Variants in GNAQ observed in about 807,000 individuals in gnomAD.
GNAQ encodes guanine nucleotide-binding protein G(q) subunit alpha.
In GNAQ, 8 loss-of-function variants were observed where a neutral mutation model predicts 43.9. That is an observed-to-expected ratio of 0.18 (90% confidence interval 0.11 to 0.33). The LOEUF (loss-of-function observed/expected upper bound fraction) is 0.33. Ranked by LOEUF, GNAQ falls within the 10% of genes least tolerant of loss-of-function variation. The pLI is 1.00. For missense variants in GNAQ, 158 were observed against 450.8 expected (o/e 0.35, Z 5.88); for synonymous variants, 155 against 170.7 (o/e 0.91, Z 0.71).
intron 2 of GNAQ, among the ~76,000 whole-genome samples, chr9:77,878,588 T>G (rs1162859609): frequency 6.6e-6 from 1 of 152,034 alleles, no homozygotes; most frequent in Non-Finnish European, 1.5e-5. Context: ...ATTATTTGAT[T>G]ATTTCAACCC....
At chr9:77,834,086 A>T (rs1827344461) in intron 2 of GNAQ, among the ~76,000 whole-genome samples, 1 of 152,236 alleles carries the variant, frequency 6.6e-6, no homozygotes, top group African/African-American at 2.4e-5. Context: ...TAAATTTCTC[A>T]GTATTAAAAT....
intron 2 of GNAQ, among the ~76,000 whole-genome samples, chr9:77,843,541 A>G (rs1041089849): frequency 2.6e-5 from 4 of 152,182 alleles, no homozygotes; most frequent in Non-Finnish European, 5.9e-5. Context: ...AAGAATCACT[A>G]GCTTCTGCTT....
At chr9:77,926,168 CAAAT>C (rs1829070334) in intron 1 of GNAQ, among the ~76,000 whole-genome samples, 1 of 152,066 alleles carries the variant, frequency 6.6e-6, no homozygotes, top group African/African-American at 2.4e-5. Flanking sequence ...ATGACAGAGA[CAAAT>C]GAATTATTTC....
intron 2 of GNAQ, among the ~76,000 whole-genome samples, chr9:77,849,908 C>T (rs1827645794): frequency 6.6e-6 from 1 of 152,198 alleles, no homozygotes; most frequent in East Asian, 1.9e-4. Flanking sequence ...TCCCAAAGTG[C>T]TGGGATTACA....
intron 5 of GNAQ, among the ~76,000 whole-genome samples, chr9:77,753,407 G>A (rs1183894836): frequency 6.6e-6 from 1 of 152,186 alleles, no homozygotes; most frequent in Non-Finnish European, 1.5e-5. Flanking sequence ...GTTTTCTGAG[G>A]TTTAAGATGA....
chr9:77,891,198 T>C (rs1828399235), intron 2 of GNAQ, among the ~76,000 whole-genome samples: 1 of 152,210 alleles, frequency 6.6e-6, no homozygotes, highest in Non-Finnish European at 1.5e-5. Flanking sequence ...CATTTATATA[T>C]CCTCATACAT....
At chr9:77,778,214 T>TAC (rs34540195) in intron 5 of GNAQ, among the ~76,000 whole-genome samples, 3,649 of 149,592 alleles carry the variant, frequency 0.024, 123 homozygotes, top group African/African-American at 0.072. Context: ...TTTACACGTT[T>TAC]ACACACACAC....
chr9:77,939,486 T>C (rs1202709952), intron 1 of GNAQ, among the ~76,000 whole-genome samples: 1 of 152,206 alleles, frequency 6.6e-6, no homozygotes, highest in East Asian at 1.9e-4. Context: ...TTGCTGACTA[T>C]AAACTCATAA....
intron 1 of GNAQ, among the ~76,000 whole-genome samples, chr9:78,011,230 C>A (rs1015168323): frequency 2.0e-5 from 3 of 152,204 alleles, no homozygotes; most frequent in Non-Finnish European, 2.9e-5. Flanking sequence ...ACTCAGACAA[C>A]TGAACAGCTA....
rs539880141 is a variant in GNAQ, at chr9:77,981,333, T to C, written c.136+49767A>G. 3.3e-5 allele frequency among the ~76,000 whole-genome samples: 5 copies of C among 152,304 alleles called. No homozygotes were observed. In the South Asian group the frequency reaches 1.0e-3, roughly 32 times the overall value. ...AAAAGAGAGGAAAAAATATAATCAG[T>C]CCTTTTGTTTATGAAGGATACTTTC... On this transcript the variant is annotated intron_variant, in intron 1 of 6. Transcript: ENST00000286548.
At chr9:77,850,908 C>T (rs1409634138) in intron 2 of GNAQ, among the ~76,000 whole-genome samples, 2 of 152,148 alleles carry the variant, frequency 1.3e-5, no homozygotes, top group Non-Finnish European at 2.9e-5. Context: ...CCCACCCCCA[C>T]ATCTGTCTCA....
In GNAQ at chr9:77,860,404, C is replaced by A. The variant is rs190425223; in HGVS notation, c.322-44634G>T. On this transcript the variant is annotated intron_variant, in intron 2 of 6. Transcript: ENST00000286548. ...TCTCAAAAAAAGGCTGACTGCACTA[C>A]CCCACCCCAGGGGGTATTCTGTTGC... Among the ~76,000 whole-genome samples, 11 of 152,294 alleles carry A rather than the reference C, an allele frequency of 7.2e-5. No individual in the cohort carries two copies. In the East Asian group the frequency reaches 1.2e-3, roughly 16 times the overall value.
intron 1 of GNAQ, among the ~76,000 whole-genome samples, chr9:77,998,448 G>A (rs1014186461): frequency 1.3e-5 from 2 of 152,174 alleles, no homozygotes; most frequent in African/African-American, 4.8e-5. Context: ...CTATACTCCA[G>A]TTCTTATGCA....
chr9:77,909,889 A>G (rs957135942), intron 2 of GNAQ, among the ~76,000 whole-genome samples: 2 of 152,146 alleles, frequency 1.3e-5, no homozygotes, highest in Non-Finnish European at 2.9e-5. Context: ...AAGGAAAAGT[A>G]TCATAATATA....
intron 5 of GNAQ, among the ~76,000 whole-genome samples, chr9:77,779,025 A>G (rs553929170): frequency 7.6e-4 from 116 of 152,008 alleles, no homozygotes; most frequent in Non-Finnish European, 1.1e-3. Flanking sequence ...CATGCAGAAA[A>G]TCAAGAACAT....
chr9:77,983,640 C>T (rs1823396402), intron 1 of GNAQ, among the ~76,000 whole-genome samples: 1 of 152,114 alleles, frequency 6.6e-6, no homozygotes, highest in African/African-American at 2.4e-5. Flanking sequence ...CAAGGTTCCC[C>T]TTACTGTGGC....
At chr9:77,844,564 G>T (rs1827548989) in intron 2 of GNAQ, among the ~76,000 whole-genome samples, 1 of 152,134 alleles carries the variant, frequency 6.6e-6, no homozygotes, top group South Asian at 2.1e-4. Context: ...ACTGTAGGAA[G>T]AAATTAAAAA....
chr9:77,918,140 G>A (rs1394609033), intron 2 of GNAQ, among the ~76,000 whole-genome samples: 3 of 152,082 alleles, frequency 2.0e-5, no homozygotes, highest in Non-Finnish European at 2.9e-5. Context: ...CAATTTCACA[G>A]CAAACAAAAC....
intron 1 of GNAQ, among the ~76,000 whole-genome samples, chr9:78,024,449 AG>A (rs1416362763): frequency 6.6e-6 from 1 of 152,182 alleles, no homozygotes. Context: ...TAGAATCATC[AG>A]GAATTGCGAT....
Sources: allele counts gnomAD v4.1 joint callset (sites outside exome capture counted in the v4.1 genomes callset), GRCh38; gene constraint gnomAD v4.1.1; transcripts MANE v1.5; gene names NCBI Gene and HGNC (gene_info 2026-07-23, HGNC 2026-07-21).